ADCY5: variants seen among roughly 807,000 people sequenced by gnomAD.
The protein encoded by ADCY5 is adenylate cyclase type 5.
ADCY5 carries 30 observed loss-of-function variants against 119.7 expected under a neutral mutation model. That is an observed-to-expected ratio of 0.25 (90% confidence interval 0.19 to 0.34). The LOEUF (loss-of-function observed/expected upper bound fraction) is 0.34. Among genes scored for constraint, ADCY5 ranks in the 10% least tolerant of loss-of-function variants. The pLI is 1.00. For synonymous variants in ADCY5, 753 were observed against 762.2 expected, an observed-to-expected ratio of 0.99 and a Z score of 0.20; for missense variants, 1,324 against 1,775.2, an observed-to-expected ratio of 0.75 and a Z score of 4.57.
chr3:123,307,340 C>T (rs1048326809), intron 12 of ADCY5, among the ~76,000 whole-genome samples: 3 of 152,104 alleles, frequency 2.0e-5, no homozygotes, highest in African/African-American at 7.2e-5. Context: ...TCTGAGCTTC[C>T]GTCTCGTTAT....
At chr3:123,334,283 C>T (rs1313773325) in intron 3 of ADCY5, among the ~76,000 whole-genome samples, 1 of 152,146 alleles carries the variant, frequency 6.6e-6, no homozygotes, top group Non-Finnish European at 1.5e-5. Flanking sequence ...CTCAGAGCAG[C>T]CAGAGACAGC....
At chr3:123,358,572 C>T (rs1473521840) in intron 1 of ADCY5, among the ~76,000 whole-genome samples, 1 of 152,150 alleles carries the variant, frequency 6.6e-6, no homozygotes, top group Non-Finnish European at 1.5e-5. Context: ...TGCACTCTAG[C>T]CTGGGCAACA....
Position 123,352,427 on chromosome 3 carries a change from C to T in ADCY5, c.1284+5G>A, listed in dbSNP as rs1942871403. ...CCACTGTGCAAGGGCAGGGGCCTCA[C>T]TCACCTGCTGCTGGTTCTCCCGCTG... On this transcript the variant is annotated splice_donor_5th_base_variant and intron_variant, in intron 2 of 20. Transcript: ENST00000462833. The surrounding 1 kb of genome is among the most constrained non-coding windows in gnomAD (Gnocchi z 4.8). 6.2e-7 allele frequency: 1 copy of T among 1,610,624 alleles called. No individual in the cohort carries two copies. Among genetic ancestry groups the T allele is most frequent in the Non-Finnish European group, 8.5e-7 (1 of 1,179,276 alleles).
chr3:123,317,680 A>G (rs1246251320), intron 11 of ADCY5, among the ~76,000 whole-genome samples: 1 of 151,342 alleles, frequency 6.6e-6, no homozygotes, highest in Admixed American at 6.6e-5. Flanking sequence ...AGTTGCAGTG[A>G]GCCAAGATCA....
intron 1 of ADCY5, among the ~76,000 whole-genome samples, chr3:123,389,005 G>A (rs892042953): frequency 2.6e-5 from 4 of 152,126 alleles, no homozygotes; most frequent in East Asian, 1.9e-4. Context: ...GAGGCGGGGC[G>A]GGAGGCCAGG....
At chr3:123,321,719 T>C (rs1941228149) in intron 8 of ADCY5, among the ~76,000 whole-genome samples, 1 of 152,140 alleles carries the variant, frequency 6.6e-6, no homozygotes, top group Non-Finnish European at 1.5e-5. Context: ...AACACACCAC[T>C]CTTCATTCCC....
At chr3:123,383,502 A>T (rs970888799) in intron 1 of ADCY5, among the ~76,000 whole-genome samples, 1 of 152,192 alleles carries the variant, frequency 6.6e-6, no homozygotes, top group African/African-American at 2.4e-5. Flanking sequence ...AGATGCTCAC[A>T]GCTCAGCCTC....
At chr3:123,303,027 T>C (rs757584915) in intron 14 of ADCY5, 28 bp downstream of exon 14, 95 of 1,610,524 alleles carry the variant, frequency 5.9e-5, no homozygotes, top group Non-Finnish European at 7.7e-5. Flanking sequence ...TCTTCAGCAC[T>C]CCCTTCCAGC....
chr3:123,409,022 A>G (rs1467618210), intron 1 of ADCY5, among the ~76,000 whole-genome samples: 1 of 152,212 alleles, frequency 6.6e-6, no homozygotes, highest in Non-Finnish European at 1.5e-5. Context: ...ACATTTACTT[A>G]CATAAAAATG....
Position 123,282,781 on chromosome 3 carries a change from G to T in ADCY5, c.*1827C>A. 6.6e-6 allele frequency: 1 copy of T among 152,418 alleles called. No individual in the cohort carries two copies. 9.4% of individuals were successfully genotyped at this position (152,418 alleles called of 1,614,324 possible). On this transcript the variant is annotated 3_prime_UTR_variant, in exon 21 of 21. Transcript: ENST00000462833. Reference sequence around the variant, plus strand: ...AGTTGGTGTGCGGGGAGGGGAGGGTGGTGCTAGAGCCCAGTGAGAGGTGGT... The same window carrying T: ...AGTTGGTGTGCGGGGAGGGGAGGGTTGTGCTAGAGCCCAGTGAGAGGTGGT...
chr3:123,448,207 G>C lies in ADCY5; in HGVS notation c.339C>G (p.Arg113=). The change falls in exon 1 of 21, where the codon CGC becomes CGG. Residue 113 remains arginine, a synonymous_variant. Coordinates refer to ENST00000462833, the MANE Select transcript of ADCY5 (RefSeq NM_183357.3). ...CGCCCCGCCGCTGCCGGCGGCTGCC[G>C]CGACCGCAGTCGTCGCCGCCGCGCT... ...WQERGGDDCG[R]GSRRQRRGAA... 2 of 1,275,418 alleles carry C rather than the reference G, an allele frequency of 1.6e-6. No individual in the cohort carries two copies. Among genetic ancestry groups the C allele is most frequent in the Non-Finnish European group, 9.9e-7 (1 of 1,013,348 alleles). 79.0% of individuals were successfully genotyped at this position (1,275,418 alleles called of 1,614,324 possible).
At chr3:123,418,891 C>T (rs1455464063) in intron 1 of ADCY5, 1 of 152,356 alleles carries the variant, frequency 6.6e-6, no homozygotes, top group East Asian at 1.9e-4. Flanking sequence ...TTCCCCTGCC[C>T]TTGGAAAGCG....
At chr3:123,300,426 C>T in intron 14 of ADCY5, 131 bp from the exon 15 acceptor site, 1 of 1,070,896 alleles carries the variant, frequency 9.3e-7, no homozygotes, top group Non-Finnish European at 1.3e-6. Flanking sequence ...ATGTAAATTT[C>T]CCAACAGGTG....
Position 123,284,326 on chromosome 3 carries a change from C to T in ADCY5, c.*282G>A, listed in dbSNP as rs1009813743. On this transcript the variant is annotated 3_prime_UTR_variant, in exon 21 of 21. Coordinates refer to ENST00000462833, the MANE Select transcript of ADCY5 (RefSeq NM_183357.3). ...GCTCCTTTCCACCTGTGCAGCAGCA[C>T]CTGTTAGAAAACTCAAGCTTCAGAC... The T allele has an allele frequency of 1.4e-5, 6 of 415,086 alleles. No individual in the cohort carries two copies. The Admixed American group carries it at 1.8e-4, about 13-fold the overall frequency. 25.7% of individuals were successfully genotyped at this position (415,086 alleles called of 1,614,324 possible). A position where few individuals can be genotyped will look rare whatever the true frequency, so the allele number is the denominator to read the frequency against.
At chr3:123,439,076 C>CCTTTTTTTTTTTTTTTTTT (rs141937415) in intron 1 of ADCY5, among the ~76,000 whole-genome samples, 8 of 64,728 alleles carry the variant, frequency 1.2e-4, no homozygotes, top group African/African-American at 5.2e-4. Context: ...CCCTAAAGTG[C>CCTTTTTTTTTTTTTTTTTT]TTTTTTTTTT....
At chr3:123,426,688 G>A (rs1945422568) in intron 1 of ADCY5, among the ~76,000 whole-genome samples, 1 of 152,188 alleles carries the variant, frequency 6.6e-6, no homozygotes, top group South Asian at 2.1e-4. Flanking sequence ...AAACAGAAGA[G>A]TTAAGTACAT....
At chr3:123,324,092 C>T (rs1393003800) in intron 8 of ADCY5, among the ~76,000 whole-genome samples, 1 of 152,160 alleles carries the variant, frequency 6.6e-6, no homozygotes, top group Non-Finnish European at 1.5e-5. Flanking sequence ...TGTCTGGTAA[C>T]CCAGGGCCAA....
chr3:123,401,640 G>C (rs965976106), intron 1 of ADCY5, among the ~76,000 whole-genome samples: 2 of 152,164 alleles, frequency 1.3e-5, no homozygotes, highest in Non-Finnish European at 2.9e-5. Flanking sequence ...GCATTTCTGG[G>C]GGGTAGGGAA....
chr3:123,388,488 C>T (rs1252235355), intron 1 of ADCY5, among the ~76,000 whole-genome samples: 1 of 152,004 alleles, frequency 6.6e-6, no homozygotes, highest in Admixed American at 6.6e-5. Flanking sequence ...GTTTAAGGTA[C>T]CCCAGGGAGC....
Sources: allele counts gnomAD v4.1 joint callset (sites outside exome capture counted in the v4.1 genomes callset), GRCh38; gene constraint gnomAD v4.1.1; non-coding constraint Gnocchi (gnomAD v3.1); transcripts MANE v1.5; gene names NCBI Gene and HGNC (gene_info 2026-07-23, HGNC 2026-07-21).